PCDHGA2: variants seen among roughly 807,000 people sequenced by gnomAD.
PCDHGA2 encodes protocadherin gamma-A2.
A neutral mutation model predicts 59.2 loss-of-function variants in PCDHGA2; 40 were observed. That is an observed-to-expected ratio of 0.68 (90% CI 0.52 to 0.88). The LOEUF is 0.88. Among genes scored for constraint, PCDHGA2 ranks in the 40% least tolerant of loss-of-function variants. PCDHGA2 has a pLI of 0.00. For synonymous variants in PCDHGA2, 560 were observed against 526.0 expected (o/e 1.06, Z -0.89); for missense variants, 1,226 against 1,204.0 (o/e 1.02, Z -0.27).
chr5:141,385,339 C>T (rs1379260130), intron 1 of PCDHGA2: 1 of 1,570,014 alleles, frequency 6.4e-7, no homozygotes, highest in African/African-American at 1.4e-5. Flanking sequence ...CCCAGCCCTT[C>T]CTTTATTTCC....
In PCDHGA2 at chr5:141,351,785, G is replaced by C. The variant is rs747419202; in HGVS notation, c.2424+10390G>C. On this transcript the variant is annotated intron_variant, in intron 1 of 3. Transcript: ENST00000394576. ...CGTGTCCGTGAGCCCGCAGAGCGGG[G>C]TGGTGTTCGCGCAGCGCGCCTTCGA... The C allele has an allele frequency of 2.5e-6, 4 of 1,613,318 alleles. No individual in the cohort carries two copies. The highest frequency in any genetic ancestry group is 3.4e-6 in the Non-Finnish European group (4 of 1,179,914).
intron 1 of PCDHGA2, chr5:141,362,192 C>T: frequency 6.2e-7 from 1 of 1,614,038 alleles, no homozygotes; most frequent in Non-Finnish European, 8.5e-7. Flanking sequence ...GACCCCCAGG[C>T]AAAACTGCAG....
chr5:141,393,382 T>C (rs778957877), intron 1 of PCDHGA2: 7 of 1,613,948 alleles, frequency 4.3e-6, no homozygotes, highest in Non-Finnish European at 5.9e-6. Flanking sequence ...AATGGAGCCA[T>C]AAACCCAGAG....
rs1208504589 is a variant in PCDHGA2, at chr5:141,431,631, T to C, written c.2425-63176T>C. On this transcript the variant is annotated intron_variant, in intron 1 of 3. Coordinates refer to ENST00000394576, the MANE Select transcript of PCDHGA2 (RefSeq NM_018915.4). The surrounding 1 kb of genome is among the most constrained non-coding windows in gnomAD (Gnocchi z 4.8). ...TATGTGGACGACAAGGCGGCCCAAG[T>C]TTTCAAACTAGATTGTAATTCAGGG... The C allele has an allele frequency of 6.2e-6, 10 of 1,614,132 alleles. No individual in the cohort carries two copies. Among genetic ancestry groups the C allele is most frequent in the Non-Finnish European group, 8.5e-6 (10 of 1,180,016 alleles).
intron 3 of PCDHGA2, 44 bp downstream of exon 3, chr5:141,505,525 G>C: frequency 1.2e-6 from 2 of 1,612,490 alleles, no homozygotes; most frequent in Non-Finnish European, 1.7e-6. Flanking sequence ...GAGACCTGGG[G>C]TTCTGGGGTG....
At chr5:141,501,326 CACACACA>C (rs1562200783) in intron 2 of PCDHGA2, among the ~76,000 whole-genome samples, 10 of 151,784 alleles carry the variant, frequency 6.6e-5, no homozygotes, top group African/African-American at 1.9e-4. Flanking sequence ...CACACACACA[CACACACA>C]CCCCAAACTC....
At position 141,339,766 on chromosome 5, in the gene PCDHGA2, C is replaced by T. The variant is rs1465107479; in HGVS notation, c.795C>T (p.Thr265=). Residue 265 remains threonine, a synonymous_variant, in exon 1 of 4, where the codon ACC becomes ACT. Transcript: ENST00000394576. The stretch of plus-strand genomic sequence containing the variant: ...TGGGCACCCGGATACTCACGGTGAC[C>T]GCCACTGACGCAGATGAGGGCTACT... ...TLVGTRILTV[T]ATDADEGYYA... is the part of the protein sequence containing the mutation. 5 of 1,613,986 alleles carry T rather than the reference C, an allele frequency of 3.1e-6. No individual in the cohort carries two copies. Among genetic ancestry groups the T allele is most frequent in the Non-Finnish European group, 3.4e-6 (4 of 1,180,014 alleles).
chr5:141,353,688 G>A (rs6870557), intron 1 of PCDHGA2, among the ~76,000 whole-genome samples: 1,925 of 152,162 alleles, frequency 0.013, 50 homozygotes, highest in African/African-American at 0.044. Context: ...TTTATAAAGC[G>A]TTTTCCATAC....
chr5:141,464,394 G>A (rs1277856342), intron 1 of PCDHGA2, among the ~76,000 whole-genome samples: 1 of 150,654 alleles, frequency 6.6e-6, no homozygotes. Context: ...TGCTAATGAA[G>A]AACCTGAGAT....
rs762414791 is a variant in PCDHGA2 at position 141,418,601 on chromosome 5, A to G, written c.2425-76206A>G. The G allele has an allele frequency of 3.5e-5, 57 of 1,613,930 alleles. No individual in the cohort carries two copies. The highest frequency in any genetic ancestry group is 1.7e-6 in the Non-Finnish European group (2 of 1,179,902). On this transcript the variant is annotated intron_variant, in intron 1 of 3. Coordinates refer to ENST00000394576, the MANE Select transcript of PCDHGA2 (RefSeq NM_018915.4). ...CCCAGTGTTCAGCCAGGACGTGTAC[A>G]GGGTTAGCCTTCGGGAAGACGTGCC...
At chr5:141,350,134 G>T in intron 1 of PCDHGA2, 1 of 741,332 alleles carries the variant, frequency 1.3e-6, no homozygotes, top group Non-Finnish European at 2.0e-6. Context: ...GAGCACAGAC[G>T]CTGCTCCTGT....
intron 1 of PCDHGA2, chr5:141,414,197 T>C: frequency 3.1e-6 from 5 of 1,611,210 alleles, no homozygotes; most frequent in Non-Finnish European, 4.2e-6. Flanking sequence ...TTGATTACAG[T>C]AGAAGATGTA....
intron 1 of PCDHGA2, chr5:141,415,275 G>A (rs1242620005): frequency 5.6e-6 from 9 of 1,614,094 alleles, no homozygotes; most frequent in East Asian, 4.5e-5. Flanking sequence ...TGGTGGTAGC[G>A]GTGGCCGCGG....
At chr5:141,384,379 G>C in intron 1 of PCDHGA2, 1 of 1,613,934 alleles carries the variant, frequency 6.2e-7, no homozygotes, top group Non-Finnish European at 8.5e-7. Flanking sequence ...CTTGGCCGAA[G>C]ACACCATCCA....
intron 1 of PCDHGA2, chr5:141,403,717 G>T: frequency 6.2e-7 from 1 of 1,613,936 alleles, no homozygotes; most frequent in Non-Finnish European, 8.5e-7. Flanking sequence ...TTGAGAACGT[G>T]CCCCCAGGCA....
chr5:141,432,521 G>A lies in PCDHGA2; in HGVS notation c.2425-62286G>A. The stretch of plus-strand genomic sequence containing the variant: ...CCGCTCCGCAGAGCCCGGCTACCTG[G>A]TGACCAAGGTGGTGGCGGTGGACAG... On this transcript the variant is annotated intron_variant, in intron 1 of 3. Coordinates refer to ENST00000394576, the MANE Select transcript of PCDHGA2 (RefSeq NM_018915.4). The surrounding 1 kb of genome is among the most constrained non-coding windows in gnomAD (Gnocchi z 6.0). The A allele has an allele frequency of 6.2e-7, 1 of 1,614,112 alleles. No homozygotes were observed. Among genetic ancestry groups the A allele is most frequent in the Non-Finnish European group, 8.5e-7 (1 of 1,180,028 alleles).
chr5:141,508,741 C>G (rs2099871426), intron 3 of PCDHGA2, among the ~76,000 whole-genome samples: 1 of 152,042 alleles, frequency 6.6e-6, no homozygotes, highest in Non-Finnish European at 1.5e-5. Context: ...ACCCCCCACC[C>G]CGCTCTTTCT....
At chr5:141,399,579 C>CT (rs1419885738) in intron 1 of PCDHGA2, 1 of 1,614,026 alleles carries the variant, frequency 6.2e-7, no homozygotes, top group African/African-American at 1.3e-5. Context: ...GCCAAGTCTC[C>CT]TACTCTATCA....
chr5:141,384,510 C>T (rs1038523588), intron 1 of PCDHGA2: 16 of 1,614,028 alleles, frequency 9.9e-6, no homozygotes, highest in African/African-American at 2.7e-5. Flanking sequence ...CACATGACAG[C>T]GGGGACCCGC....
Sources: gnomAD v4.1 joint callset for allele counts (sites outside exome capture counted in the v4.1 genomes callset) on GRCh38, gnomAD v4.1.1 for gene constraint, Gnocchi (gnomAD v3.1) non-coding constraint, MANE v1.5 for transcripts, NCBI Gene and HGNC (gene_info 2026-07-23, HGNC 2026-07-21) for gene names.